The following RAB10 variants were observed in gnomAD, a reference collection of about 807,000 sequenced individuals.
RAB10 encodes RAB10, member RAS oncogene family, also known as ras-related protein Rab-10.
RAB10 carries 5 observed loss-of-function variants against 25.7 expected under a neutral mutation model. The ratio of observed to expected loss-of-function variants is 0.19; its 90% CI spans 0.10 to 0.41. The LOEUF is 0.41. RAB10 is among the 10% of genes least tolerant of loss of function. The pLI, the probability that RAB10 is intolerant of heterozygous loss-of-function variation, is 1.00. For synonymous variants in RAB10, 89 were observed against 86.4 expected (o/e 1.03, Z -0.16); for missense variants, 103 against 245.8 (o/e 0.42, Z 3.89).
At position 26,135,635 on chromosome 2, in the gene RAB10, T is replaced by C. The variant is rs1320068589; in HGVS notation, c.*614T>C. ...ATAAACCATTAAAATGTTTGTGGTT[T>C]GCTTGGCTGTAATTTTCAAAGTAGT... is the stretch of plus-strand genomic sequence containing the variant. On this transcript the variant is annotated 3_prime_UTR_variant, in exon 6 of 6. Coordinates refer to ENST00000264710, the MANE Select transcript of RAB10 (RefSeq NM_016131.5). The C allele has an allele frequency of 1.3e-4, 20 of 152,670 alleles. No homozygotes were observed. The highest frequency in any genetic ancestry group is 1.3e-3 in the Admixed American group (20 of 15,286). 9.5% of individuals were successfully genotyped at this position (152,670 alleles called of 1,614,324 possible).
chr2:26,050,822 C>G (rs977984889), intron 1 of RAB10, among the ~76,000 whole-genome samples: 4 of 151,992 alleles, frequency 2.6e-5, no homozygotes, highest in African/African-American at 9.7e-5. Context: ...ACATGGGTCT[C>G]ATTTTGTCTC....
At chr2:26,108,457 A>T (rs531125499) in intron 2 of RAB10, among the ~76,000 whole-genome samples, 14 of 152,388 alleles carry the variant, frequency 9.2e-5, no homozygotes, top group Non-Finnish European at 1.0e-4. Context: ...AAATGAAAAA[A>T]ATATAAACAT....
chr2:26,087,483 A>T (rs564063168), intron 1 of RAB10, among the ~76,000 whole-genome samples: 1 of 152,018 alleles, frequency 6.6e-6, no homozygotes, highest in Non-Finnish European at 1.5e-5. Context: ...GCTCACCGCA[A>T]CCTCTGCCTT....
chr2:26,048,118 G>A (rs1051027166), intron 1 of RAB10, among the ~76,000 whole-genome samples: 4 of 150,448 alleles, frequency 2.7e-5, no homozygotes, highest in South Asian at 2.1e-4. Context: ...CCCATTGACC[G>A]ACATCTGGGC....
At chr2:26,040,652 T>C (rs2149260866) in intron 1 of RAB10, among the ~76,000 whole-genome samples, 1 of 152,112 alleles carries the variant, frequency 6.6e-6, no homozygotes, top group Middle Eastern at 3.4e-3. Flanking sequence ...AGCGAGACCG[T>C]GTATGATAAA....
chr2:26,128,680 A>G (rs1667951606), intron 5 of RAB10, among the ~76,000 whole-genome samples: 1 of 152,172 alleles, frequency 6.6e-6, no homozygotes, highest in Admixed American at 6.5e-5. Flanking sequence ...GTCACTTCTC[A>G]GGCAAATAAA....
intron 1 of RAB10, among the ~76,000 whole-genome samples, chr2:26,096,209 C>T (rs1028689021): frequency 8.5e-5 from 13 of 152,166 alleles, no homozygotes; most frequent in Non-Finnish European, 1.5e-5. Flanking sequence ...GATGTTAGCC[C>T]TGTCTTTCAC....
At chr2:26,056,852 T>G (rs1427587631) in intron 1 of RAB10, among the ~76,000 whole-genome samples, 1 of 152,002 alleles carries the variant, frequency 6.6e-6, no homozygotes, top group Non-Finnish European at 1.5e-5. Context: ...GGTCTCGAAC[T>G]CCTGGCCTCA....
chr2:26,104,737 ATTT>A (rs35749938), intron 2 of RAB10, among the ~76,000 whole-genome samples: 2 of 133,354 alleles, frequency 1.5e-5, no homozygotes, highest in Admixed American at 7.5e-5. Flanking sequence ...TTTTGAGGTA[ATTT>A]TTTTTTTTTT....
At chr2:26,119,781 A>G (rs1667764115) in intron 3 of RAB10, among the ~76,000 whole-genome samples, 1 of 152,182 alleles carries the variant, frequency 6.6e-6, no homozygotes, top group Non-Finnish European at 1.5e-5. Context: ...GGCTTCCCAG[A>G]ATGTTGGGAT....
chr2:26,057,654 A>G (rs1410259480), intron 1 of RAB10, among the ~76,000 whole-genome samples: 4 of 26,838 alleles, frequency 1.5e-4, no homozygotes, highest in Non-Finnish European at 2.5e-4. Context: ...ACGGGGTCTC[A>G]CTCTTTCCCC....
At chr2:26,092,260 GCTGT>G (rs1667122577) in intron 1 of RAB10, among the ~76,000 whole-genome samples, 1 of 130,892 alleles carries the variant, frequency 7.6e-6, no homozygotes. Flanking sequence ...CATAGTGAGA[GCTGT>G]GTGTGTGTGT....
At chr2:26,113,573 C>CAAA (rs55836203) in intron 3 of RAB10, among the ~76,000 whole-genome samples, 1 of 151,014 alleles carries the variant, frequency 6.6e-6, no homozygotes, top group African/African-American at 2.4e-5. Flanking sequence ...GACTCTGTCT[C>CAAA]AAAAAAAAGT....
upstream of RAB10, among the ~76,000 whole-genome samples, chr2:26,033,770 G>A (rs917251871): frequency 6.6e-6 from 1 of 151,982 alleles, no homozygotes. Context: ...GTGTCCCGGG[G>A]AGCGGGGAGC....
chr2:26,062,570 C>T (rs1234852416), intron 1 of RAB10, among the ~76,000 whole-genome samples: 7 of 151,978 alleles, frequency 4.6e-5, no homozygotes, highest in African/African-American at 1.7e-4. Context: ...CTCAGCTACT[C>T]GGGAGGCTGA....
intron 1 of RAB10, among the ~76,000 whole-genome samples, chr2:26,051,451 G>A (rs1190939850): frequency 7.7e-6 from 1 of 130,290 alleles, no homozygotes; most frequent in Non-Finnish European, 1.6e-5. Flanking sequence ...TCATAATTAA[G>A]AATGAGTCAT....
At chr2:26,084,341 T>C (rs1392057818) in intron 1 of RAB10, among the ~76,000 whole-genome samples, 2 of 152,234 alleles carry the variant, frequency 1.3e-5, no homozygotes, top group Non-Finnish European at 2.9e-5. Flanking sequence ...GGACTTTGCC[T>C]TATTCATTGC....
chr2:26,075,180 T>A (rs914055715), intron 1 of RAB10, among the ~76,000 whole-genome samples: 2 of 152,164 alleles, frequency 1.3e-5, no homozygotes, highest in African/African-American at 4.8e-5. Context: ...GAAGGTAAAA[T>A]ATAGGTAAGG....
At chr2:26,033,646 G>A (rs1244694529), upstream of RAB10, among the ~76,000 whole-genome samples, 1 of 152,232 alleles carries the variant, frequency 6.6e-6, no homozygotes, top group African/African-American at 2.4e-5. Context: ...ACCCAAGCCC[G>A]TCGCTGCGCC....
Sources: gnomAD v4.1 joint callset for allele counts (sites outside exome capture counted in the v4.1 genomes callset) on GRCh38, gnomAD v4.1.1 for gene constraint, MANE v1.5 for transcripts, NCBI Gene and HGNC (gene_info 2026-07-23, HGNC 2026-07-21) for gene names.